Variants in PTPRT observed in about 807,000 individuals in gnomAD.
PTPRT encodes protein tyrosine phosphatase receptor type T, also known as receptor-type tyrosine-protein phosphatase T.
Under a neutral mutation model 176.8 loss-of-function variants are expected in PTPRT, and 56 were observed. That is an observed-to-expected ratio of 0.32 (90% CI 0.26 to 0.40). PTPRT has a LOEUF of 0.40. Ranked by LOEUF, PTPRT falls within the 10% of genes least tolerant of loss-of-function variation. The probability of loss-of-function intolerance (pLI) is 1.00; values close to 1 mark genes in which losing one functional copy is unlikely to be tolerated. For missense variants in PTPRT, 1,540 were observed against 1,908.2 expected (o/e 0.81, Z 3.60); for synonymous variants, 783 against 739.0 (o/e 1.06, Z -0.96).
intron 7 of PTPRT, among the ~76,000 whole-genome samples, chr20:42,613,341 G>T (rs1466485993): frequency 6.6e-6 from 1 of 152,176 alleles, no homozygotes; most frequent in Non-Finnish European, 1.5e-5. Flanking sequence ...CCATTAAAAA[G>T]CTGTCTTTTG....
At chr20:43,000,117 G>C (rs1023433254) in intron 1 of PTPRT, among the ~76,000 whole-genome samples, 1 of 150,312 alleles carries the variant, frequency 6.7e-6, no homozygotes, top group African/African-American at 2.5e-5. Flanking sequence ...ACCTGCCAAA[G>C]GAAAACTCCC....
chr20:42,057,213 G>T, the PTPRT span, among the ~76,000 whole-genome samples: 3 of 152,278 alleles, frequency 2.0e-5, no homozygotes, highest in Middle Eastern at 3.4e-3. Context: ...GTCCTACTTA[G>T]CTAGGTGCCT....
chr20:43,112,905 G>T (rs1449074342), intron 1 of PTPRT, among the ~76,000 whole-genome samples: 1 of 151,780 alleles, frequency 6.6e-6, no homozygotes, highest in Non-Finnish European at 1.5e-5. Flanking sequence ...ATCTCCTGGG[G>T]TTTTGCGTGT....
chr20:42,903,755 C>A (rs750605999), intron 1 of PTPRT, among the ~76,000 whole-genome samples: 2 of 152,116 alleles, frequency 1.3e-5, no homozygotes, highest in African/African-American at 4.8e-5. Flanking sequence ...TATTTGGATA[C>A]CAAGATTGGG....
chr20:42,505,872 T>C (rs1437760498), intron 7 of PTPRT, among the ~76,000 whole-genome samples: 1 of 152,178 alleles, frequency 6.6e-6, no homozygotes, highest in Non-Finnish European at 1.5e-5. Flanking sequence ...TGCTTTTCAT[T>C]GGAATTGGAT....
intron 5 of PTPRT, among the ~76,000 whole-genome samples, chr20:42,763,720 T>G (rs936397780): frequency 6.6e-5 from 10 of 152,252 alleles, no homozygotes; most frequent in Non-Finnish European, 1.0e-4. Context: ...TTTGGCAGTC[T>G]CTAAAGAATA....
chr20:42,561,468 G>T (rs1568978251), intron 7 of PTPRT, among the ~76,000 whole-genome samples: 1 of 152,204 alleles, frequency 6.6e-6, no homozygotes, highest in Admixed American at 6.5e-5. Flanking sequence ...AAGCCTTGGG[G>T]ACATCTTAAG....
At chr20:43,082,520 C>T (rs1269199125) in intron 1 of PTPRT, among the ~76,000 whole-genome samples, 1 of 152,130 alleles carries the variant, frequency 6.6e-6, no homozygotes, top group East Asian at 1.9e-4. Flanking sequence ...CACACACACT[C>T]ACACACACAA....
intron 12 of PTPRT, among the ~76,000 whole-genome samples, chr20:42,299,698 A>G (rs1311298558): frequency 8.1e-6 from 1 of 123,940 alleles, no homozygotes; most frequent in East Asian, 2.5e-4. Context: ...CCCAGGCTGG[A>G]GTGCAGTGGC....
chr20:43,064,100 T>C lies in PTPRT; in HGVS notation c.88+125546A>G, dbSNP rs540655751. On this transcript the variant is annotated intron_variant, in intron 1 of 30. Coordinates refer to ENST00000373187, the MANE Select transcript of PTPRT (RefSeq NM_007050.6). ...ATTCATCCTACCCAATTTCCTCTTC[T>C]TCTTGGGAACAGAGTGAGACCACAT... Among the ~76,000 whole-genome samples the C allele has an allele frequency of 3.3e-5, 5 of 152,314 alleles. No homozygotes were observed. In the South Asian group the frequency reaches 8.3e-4, roughly 25 times the overall value.
chr20:42,216,538 C>T (rs1291394499), intron 15 of PTPRT, among the ~76,000 whole-genome samples: 1 of 152,192 alleles, frequency 6.6e-6, no homozygotes, highest in African/African-American at 2.4e-5. Flanking sequence ...CCTATCTTCT[C>T]TCATCACTTT....
rs1351418881 is a variant in PTPRT at position 42,616,163 on chromosome 20, C to T, written c.1153+61703G>A. ...TTTCAGCTTTCTACATATGGCTAGC[C>T]AGTTTTCCCAGCACCATTTATTAAA... On this transcript the variant is annotated intron_variant, in intron 7 of 30. Coordinates refer to ENST00000373187, the MANE Select transcript of PTPRT (RefSeq NM_007050.6). Among the ~76,000 whole-genome samples, 93 of 124,886 alleles carry T rather than the reference C, an allele frequency of 7.4e-4. 11 individuals are homozygous for T. Among genetic ancestry groups the T allele is most frequent in the Non-Finnish European group, 1.1e-3 (67 of 60,848 alleles). 81.9% of individuals were successfully genotyped at this position (124,886 alleles called of 152,430 possible).
chr20:42,614,896 G>A (rs6102951), intron 7 of PTPRT, among the ~76,000 whole-genome samples: 31,546 of 150,908 alleles, frequency 0.21, 4,512 homozygotes, highest in African/African-American at 0.41. Flanking sequence ...TTGTATAGAG[G>A]AACTCTCGGT....
At chr20:42,644,065 AC>A (rs574596459) in intron 7 of PTPRT, among the ~76,000 whole-genome samples, 121 of 152,158 alleles carry the variant, frequency 8.0e-4, no homozygotes, top group African/African-American at 2.8e-3. Flanking sequence ...GCCTGAAGAG[AC>A]CCGCAGAAAA....
At chr20:42,280,269 G>A (rs1269212433) in intron 13 of PTPRT, among the ~76,000 whole-genome samples, 1 of 152,122 alleles carries the variant, frequency 6.6e-6, no homozygotes, top group Admixed American at 6.5e-5. Flanking sequence ...GCACCAAGTA[G>A]ACACTCATCA....
rs376762532 is a variant in PTPRT at position 42,517,007 on chromosome 20, A to T, written c.1154-44445T>A. Among the ~76,000 whole-genome samples, 389 of 152,188 alleles carry T rather than the reference A, an allele frequency of 2.6e-3. 3 individuals carry two copies. The highest frequency in any genetic ancestry group is 9.1e-3 in the African/African-American group (378 of 41,554). On this transcript the variant is annotated intron_variant, in intron 7 of 30. Transcript: ENST00000373187. ...AAATAAAGCTATAATTTCCTTTCTC[A>T]TGCTGTCCTTATCTACTTTTGGCAC...
At chr20:42,214,454 C>A (rs372592246) in intron 15 of PTPRT, among the ~76,000 whole-genome samples, 2 of 152,188 alleles carry the variant, frequency 1.3e-5, no homozygotes, top group East Asian at 3.8e-4. Context: ...TGCCCCATCA[C>A]CCTCATCTAG....
intron 1 of PTPRT, among the ~76,000 whole-genome samples, chr20:42,934,250 G>A (rs1217127232): frequency 6.6e-6 from 1 of 152,194 alleles, no homozygotes; most frequent in Non-Finnish European, 1.5e-5. Context: ...GAAAGAGAAA[G>A]AGAAGGAATA....
chr20:42,651,898 A>T (rs1008236972), intron 7 of PTPRT, among the ~76,000 whole-genome samples: 2 of 152,096 alleles, frequency 1.3e-5, no homozygotes, highest in Non-Finnish European at 2.9e-5. Flanking sequence ...ACTAAAAAAA[A>T]TTAGCTGGGC....
Sources: gnomAD v4.1 joint callset for allele counts (sites outside exome capture counted in the v4.1 genomes callset) on GRCh38, gnomAD v4.1.1 for gene constraint, MANE v1.5 for transcripts, NCBI Gene and HGNC (gene_info 2026-07-23, HGNC 2026-07-21) for gene names.